RNF43: variants seen among roughly 807,000 people sequenced by gnomAD.
RNF43 encodes E3 ubiquitin-protein ligase RNF43.
In RNF43, 37 loss-of-function variants were observed where a neutral mutation model predicts 78.4. The ratio of observed to expected loss-of-function variants is 0.47; its 90% CI spans 0.36 to 0.62. The LOEUF (loss-of-function observed/expected upper bound fraction) is 0.62, where lower values mean the gene tolerates loss of function less well. RNF43 is among the 20% of genes least tolerant of loss of function. The probability of loss-of-function intolerance (pLI) is 0.00; values close to 1 mark genes in which losing one functional copy is unlikely to be tolerated. For missense variants in RNF43, 774 were observed against 1,007.9 expected (o/e 0.77, Z 3.14); for synonymous variants, 347 against 395.0 (o/e 0.88, Z 1.44).
Position 58,354,810 on chromosome 17 carries a change from G to C in RNF43, c.*133C>G. 2.4e-6 allele frequency: 2 copies of C among 818,490 alleles called. No individual in the cohort carries two copies. Among genetic ancestry groups the C allele is most frequent in the Non-Finnish European group, 4.2e-6 (2 of 478,466 alleles). The allele number at this position is 818,490 out of a possible 1,614,324, so 50.7% of individuals were successfully genotyped here. A position where few individuals can be genotyped will look rare whatever the true frequency, so the allele number is the denominator to read the frequency against. Reference sequence around the variant, plus strand: ...CTCCACCATCACCAGTCCTCTTCCAGTGCTTCTAGGAAGTACGGCAAAAAG... The same window carrying C: ...CTCCACCATCACCAGTCCTCTTCCACTGCTTCTAGGAAGTACGGCAAAAAG... On this transcript the variant is annotated 3_prime_UTR_variant, in exon 10 of 10. Transcript: ENST00000407977.
At chr17:58,377,237 C>T (rs1231580652) in intron 2 of RNF43, among the ~76,000 whole-genome samples, 1 of 152,136 alleles carries the variant, frequency 6.6e-6, no homozygotes, top group Non-Finnish European at 1.5e-5. Context: ...TAGCAAAAAG[C>T]CTGACACTTA....
chr17:58,404,179 T>A (rs180891987), intron 2 of RNF43, among the ~76,000 whole-genome samples: 4 of 152,308 alleles, frequency 2.6e-5, no homozygotes, highest in Admixed American at 6.5e-5. Flanking sequence ...AGACATTAAT[T>A]TAGTCAGATT....
chr17:58,405,590 G>A lies in RNF43; in HGVS notation c.252+9736C>T, dbSNP rs527357391. On this transcript the variant is annotated intron_variant, in intron 2 of 9. Transcript: ENST00000407977. ...GAGCTTTGGGAGGCAGAAGTGGGAG[G>A]ATGGCTTGAGCCCAGGAGTTCAAGG... is the stretch of plus-strand genomic sequence containing the variant. Among the ~76,000 whole-genome samples the A allele has an allele frequency of 6.6e-5, 10 of 151,956 alleles. No homozygotes were observed. In the South Asian group the frequency reaches 1.9e-3, roughly 28 times the overall value.
rs561349049 is a variant in RNF43 at position 58,390,826 on chromosome 17, A to G, written c.253-19793T>C. Among the ~76,000 whole-genome samples, 15 of 152,384 alleles carry G rather than the reference A, an allele frequency of 9.8e-5. No individual in the cohort carries two copies. The South Asian group carries it at 3.1e-3, about 32-fold the overall frequency. On this transcript the variant is annotated intron_variant, in intron 2 of 9. Coordinates refer to ENST00000407977, the MANE Select transcript of RNF43 (RefSeq NM_017763.6). The stretch of plus-strand genomic sequence containing the variant: ...TGGATGAGAAACATGAAAGAAAAGC[A>G]AATTTTAAACAAAGGACTGAAACTT...
At position 58,357,097 on chromosome 17, in the gene RNF43, T is replaced by G; in HGVS notation, c.2308+371A>C. 1.6e-6 allele frequency: 1 copy of G among 643,430 alleles called. No homozygotes were observed. Among genetic ancestry groups the G allele is most frequent in the Non-Finnish European group, 2.8e-6 (1 of 355,456 alleles). 39.9% of individuals were successfully genotyped at this position (643,430 alleles called of 1,614,324 possible). A position where few individuals can be genotyped will look rare whatever the true frequency, so the allele number is the denominator to read the frequency against. On this transcript the variant is annotated intron_variant, in intron 9 of 9. Coordinates refer to ENST00000407977, the MANE Select transcript of RNF43 (RefSeq NM_017763.6). This position sits in a 1 kb window ranked among gnomAD's most constrained non-coding sequence, Gnocchi z 4.5. ...TTAGTAGAGATAGGGTTTCACCATG[T>G]TGGCCAGGTTGGTCTTGAACTCCTG...
intron 6 of RNF43, 71 bp downstream of exon 6, chr17:58,362,473 T>A (rs919189188): frequency 1.6e-5 from 18 of 1,135,616 alleles, no homozygotes; most frequent in Non-Finnish European, 2.3e-5. Flanking sequence ...CACGTACTCC[T>A]TCCTTCTCCC....
At chr17:58,361,841 C>T (rs1972839932) in intron 6 of RNF43, among the ~76,000 whole-genome samples, 1 of 152,216 alleles carries the variant, frequency 6.6e-6, no homozygotes, top group African/African-American at 2.4e-5. Flanking sequence ...CAGATACCTG[C>T]ACAGATCACT....
chr17:58,404,604 A>G (rs995584220), intron 2 of RNF43, among the ~76,000 whole-genome samples: 1 of 152,214 alleles, frequency 6.6e-6, no homozygotes, highest in African/African-American at 2.4e-5. Flanking sequence ...TATGCCTCAT[A>G]TCATACTAAA....
At chr17:58,384,655 G>A (rs370748982) in intron 2 of RNF43, among the ~76,000 whole-genome samples, 28 of 152,266 alleles carry the variant, frequency 1.8e-4, no homozygotes, top group African/African-American at 6.0e-4. Flanking sequence ...CCTGGCTTCT[G>A]GGCATCGGTT....
At chr17:58,379,328 C>T (rs1973267124) in intron 2 of RNF43, among the ~76,000 whole-genome samples, 1 of 152,186 alleles carries the variant, frequency 6.6e-6, no homozygotes, top group South Asian at 2.1e-4. Context: ...CTTCCTTCCT[C>T]TCCTCTACGG....
rs1404475019 is a variant in RNF43 at position 58,363,491 on chromosome 17, G to A, written c.450+35C>T. 4 of 1,611,392 alleles carry A rather than the reference G, an allele frequency of 2.5e-6. No homozygotes were observed. In the South Asian group the frequency reaches 4.4e-5, roughly 18 times the overall value. ...TGAGAGCTTTATCTTCCTCCATCCA[G>A]CCCCCACCTTGAACACGCAAATGTC... On this transcript the variant is annotated intron_variant, in intron 4 of 9. Transcript: ENST00000407977.
At chr17:58,404,236 C>T (rs1235831206) in intron 2 of RNF43, among the ~76,000 whole-genome samples, 1 of 152,056 alleles carries the variant, frequency 6.6e-6, no homozygotes, top group South Asian at 2.1e-4. Flanking sequence ...TGTCCAACAA[C>T]TAAGGACAAA....
intron 2 of RNF43, among the ~76,000 whole-genome samples, chr17:58,409,099 C>T (rs1973973129): frequency 6.6e-6 from 1 of 152,224 alleles, no homozygotes; most frequent in Admixed American, 6.5e-5. Flanking sequence ...GAGGAATCCA[C>T]ATCTTCAGAT....
chr17:58,371,249 A>G (rs1973090435), intron 2 of RNF43, among the ~76,000 whole-genome samples: 1 of 152,196 alleles, frequency 6.6e-6, no homozygotes, highest in Non-Finnish European at 1.5e-5. Flanking sequence ...GTGGAGGCAG[A>G]TAGGAGGGAG....
At chr17:58,382,529 T>G (rs926114043) in intron 2 of RNF43, among the ~76,000 whole-genome samples, 7 of 152,216 alleles carry the variant, frequency 4.6e-5, no homozygotes, top group African/African-American at 1.7e-4. Context: ...TTCTTTCCTG[T>G]TCACCATCAT....
Position 58,360,222 on chromosome 17 carries a change from C to A in RNF43, c.879G>T (p.Glu293Asp). The A allele has an allele frequency of 1.9e-6, 3 of 1,614,072 alleles. No individual in the cohort carries two copies. The highest frequency in any genetic ancestry group is 2.5e-6 in the Non-Finnish European group (3 of 1,179,978). Residue 293 changes from glutamate to aspartate, a missense_variant, in exon 8 of 10, where the codon GAG becomes GAT. Physicochemically the swap from Glu to Asp is conservative, Grantham distance 45 (BLOSUM62 2). Transcript: ENST00000407977. This position sits in a 1 kb window ranked among gnomAD's most constrained non-coding sequence, Gnocchi z 4.3. ...AGGGGTCCACACAGTTACGATGGAA[C>A]TCATGGAGGCAGGAAATGACCCGTA... The part of the protein sequence containing the change: ...QELRVISCLH[E>D]FHRNCVDPWL...
chr17:58,402,491 G>C (rs1325317725), intron 2 of RNF43: 1 of 152,164 alleles, frequency 6.6e-6, no homozygotes, highest in Non-Finnish European at 1.5e-5. Context: ...AGGAAAGCTA[G>C]ATAATCTACA....
intron 2 of RNF43, among the ~76,000 whole-genome samples, chr17:58,391,799 C>T (rs116190600): frequency 0.014 from 2,192 of 152,284 alleles, 67 homozygotes; most frequent in African/African-American, 0.051. Context: ...TGCTCTCTGT[C>T]TCTCCAGAGG....
intron 3 of RNF43, among the ~76,000 whole-genome samples, chr17:58,366,885 G>C (rs1022473296): frequency 6.6e-6 from 1 of 152,146 alleles, no homozygotes; most frequent in Non-Finnish European, 1.5e-5. Flanking sequence ...GAGTGCAGGG[G>C]CGCAATCTCA....
Sources: gnomAD v4.1 joint callset for allele counts (sites outside exome capture counted in the v4.1 genomes callset) on GRCh38, gnomAD v4.1.1 for gene constraint, Gnocchi (gnomAD v3.1) non-coding constraint, MANE v1.5 for transcripts, NCBI Gene and HGNC (gene_info 2026-07-23, HGNC 2026-07-21) for gene names.